BCL2L13: variants seen among roughly 807,000 people sequenced by gnomAD.
The protein encoded by BCL2L13 is BCL2 like 13.
A neutral mutation model predicts 25.8 loss-of-function variants in BCL2L13; 13 were observed. The observed-to-expected ratio is 0.50, with a 90% CI of 0.33 to 0.80. The LOEUF (loss-of-function observed/expected upper bound fraction) is 0.80, where lower values mean the gene tolerates loss of function less well. Ranked by LOEUF, BCL2L13 falls within the 30% of genes least tolerant of loss-of-function variation. BCL2L13 has a pLI of 0.02. For missense variants in BCL2L13, 504 were observed against 574.9 expected (o/e 0.88, Z 1.26); for synonymous variants, 244 against 230.3 (o/e 1.06, Z -0.54).
intron 1 of BCL2L13, among the ~76,000 whole-genome samples, chr22:17,650,318 G>T (rs575880507): frequency 1.3e-5 from 2 of 152,206 alleles, no homozygotes; most frequent in South Asian, 2.1e-4. Flanking sequence ...GACTGAAAGG[G>T]TTCCTCTTCC....
At chr22:17,669,463 G>A (rs1045606504) in intron 2 of BCL2L13, among the ~76,000 whole-genome samples, 1 of 152,148 alleles carries the variant, frequency 6.6e-6, no homozygotes, top group Admixed American at 6.6e-5. Context: ...CAAGAACAGA[G>A]GCCAGTGAGA....
At chr22:17,696,956 A>G (rs568559097) in intron 5 of BCL2L13, among the ~76,000 whole-genome samples, 1 of 152,282 alleles carries the variant, frequency 6.6e-6, no homozygotes, top group African/African-American at 2.4e-5. Flanking sequence ...ATACAGTGCT[A>G]GAGATGAGAA....
chr22:17,652,756 C>T (rs1463591611), intron 1 of BCL2L13, among the ~76,000 whole-genome samples: 2 of 151,988 alleles, frequency 1.3e-5, no homozygotes, highest in Non-Finnish European at 2.9e-5. Context: ...TCTTGAATAC[C>T]ATATTGAAAG....
intron 6 of BCL2L13, chr22:17,702,764 T>C (rs1482338781): frequency 6.4e-6 from 1 of 155,952 alleles, no homozygotes; most frequent in Non-Finnish European, 1.4e-5. Flanking sequence ...AAAATTTTGT[T>C]TTCAATTACT....
At chr22:17,672,851 G>T (rs1263540062) in intron 2 of BCL2L13, among the ~76,000 whole-genome samples, 1 of 152,098 alleles carries the variant, frequency 6.6e-6, no homozygotes, top group Non-Finnish European at 1.5e-5. Flanking sequence ...GTGGGATGGT[G>T]GTGGTATTGA....
intron 1 of BCL2L13, among the ~76,000 whole-genome samples, chr22:17,646,888 T>TTGTGTGTGTGTG (rs71201853): frequency 1.1e-5 from 1 of 89,946 alleles, no homozygotes; most frequent in African/African-American, 4.5e-5. Context: ...CCCAGCTAAT[T>TTGTGTGTGTGTG]TGTGTGTGTG....
intron 5 of BCL2L13, among the ~76,000 whole-genome samples, chr22:17,698,582 T>TA (rs1199347042): frequency 8.4e-6 from 1 of 118,592 alleles, no homozygotes; most frequent in Non-Finnish European, 1.7e-5. Context: ...AAAAAAGCCA[T>TA]ACATGGTGGT....
upstream of BCL2L13, chr22:17,638,682 A>T (rs1430397841): frequency 8.1e-7 from 1 of 1,231,684 alleles, no homozygotes. Flanking sequence ...TCCGCTCCGG[A>T]TACCGTTCCG....
At chr22:17,708,790 T>C (rs980425873) in intron 6 of BCL2L13, among the ~76,000 whole-genome samples, 2 of 152,206 alleles carry the variant, frequency 1.3e-5, no homozygotes, top group Non-Finnish European at 2.9e-5. Flanking sequence ...AACACAAATA[T>C]TTTGTATTAA....
At chr22:17,684,932 G>C (rs186756794) in intron 3 of BCL2L13, among the ~76,000 whole-genome samples, 164 of 151,980 alleles carry the variant, frequency 1.1e-3, no homozygotes, top group Middle Eastern at 3.4e-3. Context: ...CGGGGTTTCA[G>C]CGTGTTAGCC....
At chr22:17,703,970 A>C (rs529982525) in intron 6 of BCL2L13, among the ~76,000 whole-genome samples, 10 of 152,358 alleles carry the variant, frequency 6.6e-5, no homozygotes, top group African/African-American at 2.4e-4. Flanking sequence ...TTTTATGATG[A>C]TGTAGTACAT....
At chr22:17,638,932 G>C (rs779760145) in intron 1 of BCL2L13, 46 bp downstream of exon 1, 451 of 1,222,456 alleles carry the variant, frequency 3.7e-4, no homozygotes, top group Non-Finnish European at 4.4e-4. Context: ...GTGAGGAGGT[G>C]GTTTTCACCT....
At chr22:17,684,740 T>G in intron 3 of BCL2L13, 1 of 114,792 alleles carries the variant, frequency 8.7e-6, no homozygotes, top group South Asian at 1.8e-4. Context: ...ATTTTTTGTA[T>G]TTTTTTTTTT....
At chr22:17,646,236 A>G (rs556404535) in intron 1 of BCL2L13, among the ~76,000 whole-genome samples, 1 of 151,642 alleles carries the variant, frequency 6.6e-6, no homozygotes, top group African/African-American at 2.4e-5. Context: ...CGTACAAATT[A>G]TAGCAGGTTT....
chr22:17,729,316 G>A lies in BCL2L13; in HGVS notation c.*1782G>A, dbSNP rs186648964. ...TTTAGTGTCCCATTTAGGGAGTGAT[G>A]TTTTAAGGGTTTTTGTGTACTTGGA... On this transcript the variant is annotated 3_prime_UTR_variant, in exon 7 of 7. Coordinates refer to ENST00000317582, the MANE Select transcript of BCL2L13 (RefSeq NM_015367.4). The A allele has an allele frequency of 5.3e-5, 8 of 152,268 alleles. No individual in the cohort carries two copies. The highest frequency in any genetic ancestry group is 1.9e-4 in the African/African-American group (8 of 41,558). 9.4% of individuals were successfully genotyped at this position (152,268 alleles called of 1,614,324 possible).
intron 2 of BCL2L13, among the ~76,000 whole-genome samples, chr22:17,680,457 C>T (rs1428363850): frequency 2.7e-4 from 35 of 128,356 alleles, no homozygotes; most frequent in African/African-American, 1.0e-3. Flanking sequence ...TGCAGTGAGC[C>T]GAGATCAAGC....
chr22:17,651,925 C>G (rs914683554), intron 1 of BCL2L13, among the ~76,000 whole-genome samples: 3 of 151,838 alleles, frequency 2.0e-5, no homozygotes, highest in African/African-American at 7.3e-5. Context: ...TTCCTGATTG[C>G]GTGATCCACC....
chr22:17,727,518 C>T lies in BCL2L13; in HGVS notation c.1442C>T (p.Ala481Val), dbSNP rs774874715. Residue 481 changes from alanine to valine, a missense_variant, in exon 7 of 7, where the codon GCT (alanine) becomes GTT (valine). Physicochemically the swap from Ala to Val is moderately conservative, Grantham distance 64. Coordinates refer to ENST00000317582, the MANE Select transcript of BCL2L13 (RefSeq NM_015367.4). ...GCAGTGGCCATCGGGGTAGCCCTGGCTCTGAGAAAGAAATAGGAGGCTTTT... is the reference window on the plus strand; with the variant it reads ...GCAGTGGCCATCGGGGTAGCCCTGGTTCTGAGAAAGAAATAGGAGGCTTTT... ...ILAVAIGVAL[A>V]LRKK is the part of the protein sequence containing the mutation. 90 of 1,614,036 alleles carry T rather than the reference C, an allele frequency of 5.6e-5. No homozygotes were observed. Among genetic ancestry groups the T allele is most frequent in the Non-Finnish European group, 7.6e-5 (90 of 1,179,930 alleles).
At chr22:17,711,896 G>A (rs2060773182) in intron 6 of BCL2L13, among the ~76,000 whole-genome samples, 1 of 152,062 alleles carries the variant, frequency 6.6e-6, no homozygotes, top group South Asian at 2.1e-4. Flanking sequence ...TACAAAACTT[G>A]TATAGTATGA....
Sources: allele counts gnomAD v4.1 joint callset (sites outside exome capture counted in the v4.1 genomes callset), GRCh38; gene constraint gnomAD v4.1.1; transcripts MANE v1.5; gene names NCBI Gene and HGNC (gene_info 2026-07-23, HGNC 2026-07-21).